PALM2AKAP2: variants seen among roughly 807,000 people sequenced by gnomAD.
The protein encoded by PALM2AKAP2 is PALM2-AKAP2 fusion protein.
PALM2AKAP2 carries 37 observed loss-of-function variants against 71.5 expected under a neutral mutation model. The ratio of observed to expected loss-of-function variants is 0.52; its 90% CI spans 0.40 to 0.68. PALM2AKAP2 has a LOEUF of 0.68. Ranked by LOEUF, PALM2AKAP2 falls within the 30% of genes least tolerant of loss-of-function variation. The pLI is 0.00. For synonymous variants in PALM2AKAP2, 468 were observed against 478.8 expected, an observed-to-expected ratio of 0.98 and a Z score of 0.29; for missense variants, 1,224 against 1,191.8, an observed-to-expected ratio of 1.03 and a Z score of -0.40.
intron 1 of PALM2AKAP2, among the ~76,000 whole-genome samples, chr9:109,865,154 AGTG>A (rs1294800527): frequency 8.0e-6 from 1 of 125,018 alleles, no homozygotes; most frequent in African/African-American, 3.1e-5. Context: ...GCTGGAGTGC[AGTG>A]GTGTGATCTT....
intron 1 of PALM2AKAP2, among the ~76,000 whole-genome samples, chr9:109,755,187 T>C (rs1235095751): frequency 6.6e-6 from 1 of 152,054 alleles, no homozygotes; most frequent in Non-Finnish European, 1.5e-5. Flanking sequence ...ATTTTTAAAA[T>C]GTAAACCAGA....
intron 1 of PALM2AKAP2, among the ~76,000 whole-genome samples, chr9:109,795,309 C>T (rs944335779): frequency 6.6e-6 from 1 of 152,162 alleles, no homozygotes; most frequent in Non-Finnish European, 1.5e-5. Flanking sequence ...AAATGTACTT[C>T]CCATTCTTTT....
rs565835467 is a variant in PALM2AKAP2 at position 109,881,876 on chromosome 9, C to CTTTTTTTTT, written c.257+1214_257+1222dup. On this transcript the variant is annotated intron_variant, in intron 3 of 9. Transcript: ENST00000302798. Reference sequence around the variant, plus strand: ...TCTCTGTCTTCTGAGCTTATGAGCTCTTTTTTTTTTTTTTTTTTTTTTTTT... The same window carrying CTTTTTTTTT: ...TCTCTGTCTTCTGAGCTTATGAGCTCTTTTTTTTTTTTTTTTTTTTTTTTTTTTTTTTTT... 1.7e-3 allele frequency among the ~76,000 whole-genome samples: 166 copies of CTTTTTTTTT among 95,098 alleles called. 18 individuals are homozygous for CTTTTTTTTT. The highest frequency in any genetic ancestry group is 2.2e-3 in the Non-Finnish European group (105 of 47,100). The allele number at this position is 95,098 out of a possible 152,430, so 62.4% of individuals were successfully genotyped here.
intron 6 of PALM2AKAP2, among the ~76,000 whole-genome samples, chr9:109,998,427 T>G (rs1832615194): frequency 6.6e-6 from 1 of 151,884 alleles, no homozygotes. Context: ...ACGAGAATAA[T>G]CAGGATGGAT....
chr9:109,901,512 G>A (rs574693775), intron 3 of PALM2AKAP2, among the ~76,000 whole-genome samples: 11 of 152,326 alleles, frequency 7.2e-5, no homozygotes, highest in African/African-American at 2.6e-4. Context: ...TCTCTTTGAA[G>A]ATGGGATAAT....
At chr9:109,780,567 T>C in intron 1 of PALM2AKAP2, 34 bp downstream of exon 1, 1 of 1,612,966 alleles carries the variant, frequency 6.2e-7, no homozygotes. Context: ...TCTTGCTCTA[T>C]TGTCTGGGGT....
intron 1 of PALM2AKAP2, among the ~76,000 whole-genome samples, chr9:109,665,809 G>T (rs1279958239): frequency 6.6e-6 from 1 of 152,184 alleles, no homozygotes; most frequent in African/African-American, 2.4e-5. Flanking sequence ...GTGGAGTCTA[G>T]AGACAGTAGG....
At chr9:109,932,009 C>T (rs749693840) in exon 6 of PALM2AKAP2, 31 of 1,613,264 alleles carry the variant, frequency 1.9e-5, no homozygotes, top group East Asian at 2.2e-5. Flanking sequence ...CTGGGCAGGA[C>T]GGGACCAGCA....
At chr9:109,644,465 G>A (rs983049874) in intron 1 of PALM2AKAP2, among the ~76,000 whole-genome samples, 7 of 152,076 alleles carry the variant, frequency 4.6e-5, no homozygotes, top group African/African-American at 1.2e-4. Flanking sequence ...ACCAACAAAC[G>A]TTTGTTGAGA....
In PALM2AKAP2 at chr9:109,966,007, G is replaced by A. The variant is rs539778994; in HGVS notation, c.496+33979G>A. ...CCATGAAGCTCCTGTGTGTGGTGAT[G>A]GGGACCCGGTGATGATGTTGTGATC... On this transcript the variant is annotated intron_variant, in intron 6 of 9. Coordinates refer to the PALM2AKAP2 transcript ENST00000302798. Among the ~76,000 whole-genome samples, 16 of 152,292 alleles carry A rather than the reference G, an allele frequency of 1.1e-4. No homozygotes were observed. In the South Asian group the frequency reaches 3.3e-3, roughly 32 times the overall value.
intron 6 of PALM2AKAP2, among the ~76,000 whole-genome samples, chr9:110,011,653 C>A (rs1318344326): frequency 6.6e-6 from 1 of 152,206 alleles, no homozygotes; most frequent in Non-Finnish European, 1.5e-5. Context: ...CATTTTCTAT[C>A]TCCAAGTTCT....
chr9:110,091,384 T>C (rs1017267173), intron 1 of PALM2AKAP2, among the ~76,000 whole-genome samples: 1 of 149,172 alleles, frequency 6.7e-6, no homozygotes, highest in Non-Finnish European at 1.5e-5. Flanking sequence ...TCGTTGCTTT[T>C]CTGATCCTTG....
chr9:109,833,219 G>A (rs1828359858), intron 1 of PALM2AKAP2, among the ~76,000 whole-genome samples: 1 of 152,190 alleles, frequency 6.6e-6, no homozygotes, highest in African/African-American at 2.4e-5. Flanking sequence ...TCTGGGTGTG[G>A]TGGCACACAC....
At chr9:109,876,098 A>T (rs972161038) in intron 2 of PALM2AKAP2, among the ~76,000 whole-genome samples, 4 of 152,002 alleles carry the variant, frequency 2.6e-5, no homozygotes, top group Non-Finnish European at 2.9e-5. Context: ...CTTTTTTTTG[A>T]TGTATGTTAT....
At position 109,809,024 on chromosome 9, in the gene PALM2AKAP2, T is replaced by C. The variant is rs1827655097; in HGVS notation, c.45+28491T>C. On this transcript the variant is annotated intron_variant, in intron 1 of 9. Transcript: ENST00000302798. Reference sequence around the variant, plus strand: ...ATTTCAGAGTATGTATGGAAATGCCTGGATGTGCAGGTAGAGGTGTGCTGC... The same window carrying C: ...ATTTCAGAGTATGTATGGAAATGCCCGGATGTGCAGGTAGAGGTGTGCTGC... 2.6e-5 allele frequency among the ~76,000 whole-genome samples: 4 copies of C among 152,206 alleles called. No individual in the cohort carries two copies. In the South Asian group the frequency reaches 8.3e-4, roughly 32 times the overall value.
At chr9:109,817,883 C>T (rs1426938380) in intron 1 of PALM2AKAP2, among the ~76,000 whole-genome samples, 1 of 152,184 alleles carries the variant, frequency 6.6e-6, no homozygotes, top group African/African-American at 2.4e-5. Flanking sequence ...TTGGAACCTG[C>T]CACTCACCAG....
intron 1 of PALM2AKAP2, among the ~76,000 whole-genome samples, chr9:109,761,287 G>T (rs1364349629): frequency 1.3e-5 from 2 of 152,208 alleles, no homozygotes; most frequent in Admixed American, 6.5e-5. Context: ...TTTGAAGGCA[G>T]ATGAATAGGT....
At chr9:109,686,612 C>CATTT (rs34286921) in intron 1 of PALM2AKAP2, among the ~76,000 whole-genome samples, 26,535 of 151,554 alleles carry the variant, frequency 0.18, 2,456 homozygotes, top group Middle Eastern at 0.31. Context: ...TTTGTTGTTC[C>CATTT]ATTTATTTAT....
chr9:110,025,206 T>A (rs1474526678), intron 7 of PALM2AKAP2: 12 of 1,291,322 alleles, frequency 9.3e-6, no homozygotes, highest in Non-Finnish European at 1.1e-6. Context: ...TGTGGGGCAT[T>A]CCTTTTTGAA....
Sources: gnomAD v4.1 joint callset for allele counts (sites outside exome capture counted in the v4.1 genomes callset) on GRCh38, gnomAD v4.1.1 for gene constraint, MANE v1.5 for transcripts, NCBI Gene and HGNC (gene_info 2026-07-23, HGNC 2026-07-21) for gene names.